Variants in CDH18 observed in about 807,000 individuals in gnomAD.
CDH18 encodes the protein cadherin-18.
A neutral mutation model predicts 67.9 loss-of-function variants in CDH18; 31 were observed. That is an observed-to-expected ratio of 0.46 (90% CI 0.34 to 0.62). The LOEUF is 0.62. Among genes scored for constraint, CDH18 ranks in the 20% least tolerant of loss-of-function variants. The pLI is 0.01. For missense variants in CDH18, 890 were observed against 975.5 expected (o/e 0.91, Z 1.17); for synonymous variants, 362 against 347.2 (o/e 1.04, Z -0.48).
chr5:19,843,515 A>C (rs1782581552), intron 2 of CDH18, among the ~76,000 whole-genome samples: 1 of 152,076 alleles, frequency 6.6e-6, no homozygotes, highest in African/African-American at 2.4e-5. Context: ...GCAGGGGTGG[A>C]GCCCTCATGG....
intron 2 of CDH18, among the ~76,000 whole-genome samples, chr5:20,083,727 G>T (rs1464700877): frequency 6.6e-6 from 1 of 152,178 alleles, no homozygotes; most frequent in Non-Finnish European, 1.5e-5. Flanking sequence ...CAATCATGGT[G>T]GAAGGCAAGG....
At chr5:20,057,938 T>C (rs1742138491) in intron 2 of CDH18, among the ~76,000 whole-genome samples, 1 of 152,142 alleles carries the variant, frequency 6.6e-6, no homozygotes, top group Non-Finnish European at 1.5e-5. Context: ...GCATTACCTT[T>C]AATTGTTAAA....
intron 7 of CDH18, among the ~76,000 whole-genome samples, chr5:19,578,402 T>C (rs865844045): frequency 2.0e-5 from 3 of 152,160 alleles, no homozygotes; most frequent in African/African-American, 7.2e-5. Context: ...TTCTGTTTCT[T>C]TGAAGTTGCT....
chr5:19,677,248 G>A (rs1352373347), intron 5 of CDH18, among the ~76,000 whole-genome samples: 2 of 152,078 alleles, frequency 1.3e-5, no homozygotes, highest in East Asian at 3.9e-4. Context: ...TTGGGGATGT[G>A]TTTTCAGTAT....
chr5:19,879,500 T>C (rs978626076), intron 2 of CDH18, among the ~76,000 whole-genome samples: 4 of 152,024 alleles, frequency 2.6e-5, no homozygotes, highest in African/African-American at 9.7e-5. Context: ...TGGGTAAGTT[T>C]ATTGAAATAT....
intron 5 of CDH18, among the ~76,000 whole-genome samples, chr5:19,680,217 T>C (rs185687542): frequency 7.7e-4 from 117 of 152,174 alleles, no homozygotes; most frequent in African/African-American, 2.6e-3. Context: ...GATAACTGCC[T>C]AGCCATATGC....
intron 1 of CDH18, among the ~76,000 whole-genome samples, chr5:20,351,429 G>A (rs527271893): frequency 7.2e-5 from 11 of 152,116 alleles, no homozygotes; most frequent in Non-Finnish European, 1.3e-4. Flanking sequence ...GAGGGTTGGA[G>A]TGATGTTACC....
rs568626660 is a variant in CDH18, at chr5:19,637,167, T to C, written c.644-24566A>G. ...CTTTCTTTCTTTTTCTTTCTTTCTT[T>C]CTTCCTTCCTTTTTTCCTTCTTTCT... is the stretch of plus-strand genomic sequence containing the variant. On this transcript the variant is annotated intron_variant, in intron 5 of 12. Transcript: ENST00000382275. Among the ~76,000 whole-genome samples, 8 of 151,656 alleles carry C rather than the reference T, an allele frequency of 5.3e-5. No homozygotes were observed. The South Asian group carries it at 1.5e-3, about 28-fold the overall frequency.
At chr5:20,323,200 T>A (rs1402212008) in intron 1 of CDH18, among the ~76,000 whole-genome samples, 2 of 152,160 alleles carry the variant, frequency 1.3e-5, no homozygotes, top group African/African-American at 4.8e-5. Context: ...GTCTTAAATC[T>A]TGTATTTGTT....
chr5:20,155,953 T>C (rs1463039798), intron 2 of CDH18, among the ~76,000 whole-genome samples: 3 of 152,040 alleles, frequency 2.0e-5, no homozygotes, highest in African/African-American at 7.2e-5. Flanking sequence ...CAAGAAGATA[T>C]ACAAGCAGCC....
intron 1 of CDH18, among the ~76,000 whole-genome samples, chr5:20,391,309 G>T (rs72745081): frequency 0.019 from 2,816 of 151,926 alleles, 46 homozygotes; most frequent in Non-Finnish European, 0.027. Context: ...GGTGGTTAGG[G>T]TCATAAATCC....
intron 1 of CDH18, among the ~76,000 whole-genome samples, chr5:20,350,451 AT>A (rs1741073895): frequency 6.6e-6 from 1 of 152,176 alleles, no homozygotes. Context: ...TGTTAAATGT[AT>A]TCCATTTTTG....
At chr5:20,387,283 G>T (rs1019407967) in intron 1 of CDH18, among the ~76,000 whole-genome samples, 1 of 152,142 alleles carries the variant, frequency 6.6e-6, no homozygotes, top group African/African-American at 2.4e-5. Flanking sequence ...GGTCCTTCTT[G>T]TCCCTTGTAA....
intron 1 of CDH18, among the ~76,000 whole-genome samples, chr5:20,529,186 T>G (rs1010554726): frequency 6.6e-6 from 1 of 151,800 alleles, no homozygotes; most frequent in South Asian, 2.1e-4. Flanking sequence ...CTCTCAAGAC[T>G]GAACTAGGAA....
At chr5:20,235,430 C>G (rs60466655) in intron 2 of CDH18, among the ~76,000 whole-genome samples, 4,139 of 151,878 alleles carry the variant, frequency 0.027, 197 homozygotes, top group African/African-American at 0.093. Flanking sequence ...AATCAACAAG[C>G]AAAAAATGAA....
At chr5:19,526,450 A>G (rs971281878) in intron 9 of CDH18, among the ~76,000 whole-genome samples, 1 of 152,154 alleles carries the variant, frequency 6.6e-6, no homozygotes, top group Non-Finnish European at 1.5e-5. Flanking sequence ...TTGAGAAACA[A>G]TACATTTTAT....
chr5:19,802,655 A>G (rs1479884538), intron 3 of CDH18, among the ~76,000 whole-genome samples: 1 of 152,108 alleles, frequency 6.6e-6, no homozygotes, highest in African/African-American at 2.4e-5. Flanking sequence ...TTGAAAAATC[A>G]ATACTCTATT....
At chr5:19,911,189 C>A (rs878916688) in intron 2 of CDH18, among the ~76,000 whole-genome samples, 1 of 152,142 alleles carries the variant, frequency 6.6e-6, no homozygotes, top group Admixed American at 6.6e-5. Flanking sequence ...GGATTATACT[C>A]CTCTCCCTGA....
intron 1 of CDH18, among the ~76,000 whole-genome samples, chr5:20,433,234 A>G (rs1313719708): frequency 2.0e-5 from 3 of 150,404 alleles, no homozygotes; most frequent in Non-Finnish European, 4.4e-5. Context: ...AAGGTAAAAT[A>G]TATATATATA....
Sources: allele counts gnomAD v4.1 joint callset (sites outside exome capture counted in the v4.1 genomes callset), GRCh38; gene constraint gnomAD v4.1.1; transcripts MANE v1.5; gene names NCBI Gene and HGNC (gene_info 2026-07-23, HGNC 2026-07-21).